DNAH12: variants seen among roughly 807,000 people sequenced by gnomAD.
DNAH12 encodes the protein axonemal beta dynein heavy chain 12.
In DNAH12, 285 loss-of-function variants were observed where a neutral mutation model predicts 371.5. That is an observed-to-expected ratio of 0.77 (90% CI 0.70 to 0.85). The LOEUF is 0.85. Ranked by LOEUF, DNAH12 falls within the 40% of genes least tolerant of loss-of-function variation. DNAH12 has a pLI of 0.00. For missense variants in DNAH12, 3,611 were observed against 3,689.4 expected (o/e 0.98, Z 0.55); for synonymous variants, 1,200 against 1,213.0 (o/e 0.99, Z 0.22).
At chr3:57,332,668 T>C (rs528182456) in intron 62 of DNAH12, among the ~76,000 whole-genome samples, 31 of 152,344 alleles carry the variant, frequency 2.0e-4, no homozygotes, top group Admixed American at 7.2e-4. Context: ...AGGATAGAAC[T>C]GTCCAGGCAG....
chr3:57,396,982 GCCACTGCACTC>G (rs1276741670), intron 43 of DNAH12, among the ~76,000 whole-genome samples: 1 of 152,162 alleles, frequency 6.6e-6, no homozygotes, highest in Non-Finnish European at 1.5e-5. Context: ...TGGAGATCGT[GCCACTGCACTC>G]CAGCCTGGGT....
In DNAH12 at chr3:57,316,866, G is replaced by A. The variant is rs537963146; in HGVS notation, c.10525-2235C>T. Among the ~76,000 whole-genome samples, 3 of 152,246 alleles carry A rather than the reference G, an allele frequency of 2.0e-5. No homozygotes were observed. In the East Asian group the frequency reaches 5.8e-4, roughly 29 times the overall value. On this transcript the variant is annotated intron_variant, in intron 65 of 73. Transcript: ENST00000495027. ...TTTCCCGAGGCTTCCCCAGCCATGT[G>A]GAATTGTAAGTCAATTAAACCTCTT...
intron 39 of DNAH12, among the ~76,000 whole-genome samples, chr3:57,412,063 T>C (rs539224832): frequency 2.6e-5 from 4 of 152,136 alleles, no homozygotes; most frequent in Non-Finnish European, 5.9e-5. Flanking sequence ...GCAAAGGCAA[T>C]ATTATGGAGC....
chr3:57,472,945 T>C (rs1309007885), intron 13 of DNAH12, among the ~76,000 whole-genome samples: 1 of 152,208 alleles, frequency 6.6e-6, no homozygotes, highest in African/African-American at 2.4e-5. Flanking sequence ...AAGGAACTTT[T>C]GGTCCTCCCT....
At chr3:57,461,422 G>A (rs1224346167) in intron 19 of DNAH12, 67 bp downstream of exon 19, 1 of 1,430,490 alleles carries the variant, frequency 7.0e-7, no homozygotes, top group Non-Finnish European at 9.6e-7. Context: ...ATTACCATGA[G>A]AGCGTATATG....
chr3:57,461,717 G>T, intron 18 of DNAH12, 28 bp from the exon 19 acceptor site: 1 of 1,523,838 alleles, frequency 6.6e-7, no homozygotes, highest in Non-Finnish European at 8.9e-7. Context: ...AGAAAGAACG[G>T]GATGGTGAAG....
chr3:57,332,328 CAT>C (rs2062117823), intron 62 of DNAH12, among the ~76,000 whole-genome samples: 1 of 152,108 alleles, frequency 6.6e-6, no homozygotes, highest in Admixed American at 6.5e-5. Flanking sequence ...AAAATTGTGA[CAT>C]GTACAAAATT....
In DNAH12 at chr3:57,445,201, T is replaced by C. The variant is rs1266071074; in HGVS notation, c.4398A>G (p.Lys1466=). The C allele has an allele frequency of 4.5e-6, 7 of 1,546,648 alleles. No individual in the cohort carries two copies. In the African/African-American group the frequency reaches 6.9e-5, roughly 15 times the overall value. The change falls in exon 28 of 74, where the codon AAA becomes AAG. Residue 1466 remains lysine, a synonymous_variant. Transcript: ENST00000495027. The stretch of plus-strand genomic sequence containing the variant: ...GTATATCTTCATTTTCATTTGGGTA[T>C]TTTAGTTTTAGATTGCCAGCAGCCA... ...VLVAAGNLKL[K]YPNENEDILL...
At chr3:57,533,809 C>T (rs889517277) in intron 2 of DNAH12, among the ~76,000 whole-genome samples, 1 of 152,108 alleles carries the variant, frequency 6.6e-6, no homozygotes, top group African/African-American at 2.4e-5. Context: ...ACTGTGCAGC[C>T]TGGGGTTAGG....
chr3:57,416,248 C>T (rs1009976646), intron 37 of DNAH12, among the ~76,000 whole-genome samples: 1 of 152,060 alleles, frequency 6.6e-6, no homozygotes, highest in East Asian at 1.9e-4. Context: ...CCACACCAGG[C>T]TAATTTTTTT....
chr3:57,498,646 A>T lies in DNAH12; in HGVS notation c.1335+2675T>A, dbSNP rs73078594. 49,318 of 700,190 alleles carry T rather than the reference A, an allele frequency of 0.07. 2,238 individuals carry two copies. The highest frequency in any genetic ancestry group is 0.091 in the Non-Finnish European group (34,750 of 382,710). 43.4% of individuals were successfully genotyped at this position (700,190 alleles called of 1,614,324 possible). ...ACTGGAAACATCTCAAATATCCATC[A>T]AAACGTGAATGAATAAAGAAACTAT... is the stretch of plus-strand genomic sequence containing the variant. On this transcript the variant is annotated intron_variant, in intron 11 of 73. Transcript: ENST00000495027.
chr3:57,375,892 C>T lies in DNAH12; in HGVS notation c.8539G>A (p.Val2847Ile), dbSNP rs2063271604. ...GTGAAAGCACCAAGGTAAGCTATTA[C>T]TCCTGCTGATACTAAGACATCGCCA... ...LTGDVLVSAGVIAYLGAFTSG... is the reference protein window; with the variant it reads ...LTGDVLVSAGIIAYLGAFTSG... The change falls in exon 54 of 74, where the codon GTA becomes ATA. Residue 2847 changes from valine to isoleucine, a missense_variant. Physicochemically the swap from Val to Ile is conservative, Grantham distance 29. This residue lies in a region of DNAH12 where 2,266 missense variants were observed against 2,236.9 expected (regional missense o/e 1.01). Coordinates refer to ENST00000495027, the MANE Select transcript of DNAH12 (RefSeq NM_001366028.2). 1 of 152,138 alleles carries T rather than the reference C, an allele frequency of 6.6e-6. No individual in the cohort carries two copies. Among genetic ancestry groups the T allele is most frequent in the South Asian group, 2.1e-4 (1 of 4,836 alleles). The allele number at this position is 152,138 out of a possible 1,614,324, so 9.4% of individuals were successfully genotyped here.
chr3:57,521,295 A>T lies in DNAH12; in HGVS notation c.279+2288T>A, dbSNP rs568848364. On this transcript the variant is annotated intron_variant, in intron 4 of 73. Transcript: ENST00000495027. Reference sequence around the variant, plus strand: ...GGAGCTTTAGGCTGAGGTTTTTTTTATTTTATGGATATCCAATTGCTTTCC... The same window carrying T: ...GGAGCTTTAGGCTGAGGTTTTTTTTTTTTTATGGATATCCAATTGCTTTCC... Among the ~76,000 whole-genome samples, 48 of 151,670 alleles carry T rather than the reference A, an allele frequency of 3.2e-4. 2 individuals carry two copies. In the South Asian group the frequency reaches 9.6e-3, roughly 30 times the overall value.
At chr3:57,440,395 G>A (rs2065265061) in intron 29 of DNAH12, among the ~76,000 whole-genome samples, 1 of 152,136 alleles carries the variant, frequency 6.6e-6, no homozygotes, top group African/African-American at 2.4e-5. Flanking sequence ...ATAGCTGGAG[G>A]CCACTCTCCT....
At chr3:57,460,083 C>T (rs1456702431) in intron 19 of DNAH12, among the ~76,000 whole-genome samples, 2 of 152,046 alleles carry the variant, frequency 1.3e-5, no homozygotes, top group African/African-American at 4.8e-5. Flanking sequence ...CCTTCTCTAC[C>T]AGCAGTGGTT....
At chr3:57,303,980 C>T (rs113547453) in intron 69 of DNAH12, among the ~76,000 whole-genome samples, 2 of 152,292 alleles carry the variant, frequency 1.3e-5, no homozygotes, top group African/African-American at 4.8e-5. Context: ...CATGCCTTAA[C>T]TGATGACATT....
intron 2 of DNAH12, among the ~76,000 whole-genome samples, chr3:57,532,155 T>G (rs185942329): frequency 4.6e-5 from 7 of 152,300 alleles, no homozygotes. Context: ...GTATTTCAAT[T>G]GCATTTTTCA....
At chr3:57,353,584 AACAG>A (rs1397066346) in intron 59 of DNAH12, among the ~76,000 whole-genome samples, 2 of 152,324 alleles carry the variant, frequency 1.3e-5, no homozygotes, top group Admixed American at 6.5e-5. Flanking sequence ...CAACAGAGTA[AACAG>A]ACAGCCTACA....
intron 4 of DNAH12, among the ~76,000 whole-genome samples, chr3:57,511,455 C>T (rs955127420): frequency 5.9e-5 from 9 of 152,162 alleles, no homozygotes; most frequent in East Asian, 3.9e-4. Context: ...AAAATAGACA[C>T]GAATGAATGA....
Sources: allele counts gnomAD v4.1 joint callset (sites outside exome capture counted in the v4.1 genomes callset), GRCh38; gene constraint gnomAD v4.1.1; regional missense constraint gnomAD v4.1.1; transcripts MANE v1.5; gene names NCBI Gene and HGNC (gene_info 2026-07-23, HGNC 2026-07-21).